Variants in RGSL1 observed in about 807,000 individuals in gnomAD.
The protein encoded by RGSL1 is regulator of G protein signaling like 1.
RGSL1 carries 97 observed loss-of-function variants against 124.7 expected under a neutral mutation model. The ratio of observed to expected loss-of-function variants is 0.78; its 90% CI spans 0.66 to 0.92. The LOEUF (loss-of-function observed/expected upper bound fraction) is 0.92, where lower values mean the gene tolerates loss of function less well. RGSL1 is among the 40% of genes least tolerant of loss of function. The probability of loss-of-function intolerance (pLI) is 0.00; values close to 1 mark genes in which losing one functional copy is unlikely to be tolerated. For synonymous variants in RGSL1, 424 were observed against 438.1 expected (o/e 0.97, Z 0.40); for missense variants, 1,233 against 1,288.4 (o/e 0.96, Z 0.66).
chr1:182,466,303 C>T (rs2102015103), intron 4 of RGSL1, among the ~76,000 whole-genome samples: 1 of 152,182 alleles, frequency 6.6e-6, no homozygotes, highest in Admixed American at 6.5e-5. Context: ...ATACTGGAAA[C>T]TCTCACCAGA....
intron 6 of RGSL1, among the ~76,000 whole-genome samples, chr1:182,483,788 C>T (rs1247653385): frequency 6.6e-6 from 1 of 152,142 alleles, no homozygotes; most frequent in African/African-American, 2.4e-5. Flanking sequence ...TGGATGTAGG[C>T]TGCCCACAGA....
At chr1:182,467,730 C>T (rs1408532168) in intron 4 of RGSL1, among the ~76,000 whole-genome samples, 1 of 152,112 alleles carries the variant, frequency 6.6e-6, no homozygotes, top group African/African-American at 2.4e-5. Flanking sequence ...GTCTAAAACA[C>T]CAAAAGCAAT....
intron 6 of RGSL1, among the ~76,000 whole-genome samples, chr1:182,477,606 A>G (rs1222555923): frequency 2.6e-5 from 4 of 152,074 alleles, no homozygotes; most frequent in African/African-American, 9.7e-5. Context: ...TTTATCCCTG[A>G]CCACCTGTGG....
chr1:182,505,252 A>G (rs1412861025), intron 9 of RGSL1, among the ~76,000 whole-genome samples: 2 of 152,236 alleles, frequency 1.3e-5, no homozygotes, highest in Admixed American at 6.5e-5. Flanking sequence ...GGAGCCAGAT[A>G]ACTTTAGGTC....
In RGSL1 at chr1:182,458,345, T is replaced by A. The variant is rs1208613287; in HGVS notation, c.123T>A (p.Thr41=). The A allele has an allele frequency of 1.9e-6, 3 of 1,552,110 alleles. No individual in the cohort carries two copies. The highest frequency in any genetic ancestry group is 2.6e-6 in the Non-Finnish European group (3 of 1,147,098). The change falls in exon 3 of 22, where the codon ACT becomes ACA. Residue 41 remains threonine (T), a synonymous_variant. Transcript: ENST00000294854. ...LPVFGQTPFY[T]VENSQWSLWP... is the part of the protein sequence containing the mutation. ...TTTTTGGTCAGACACCATTTTATAC[T>A]GTTGAAAATTCACAGTGGAGCTTGT...
Position 182,527,853 on chromosome 1 carries a change from T to A in RGSL1, c.2125+81T>A, listed in dbSNP as rs16859136. The A allele has an allele frequency of 2.1e-3, 2,532 of 1,229,610 alleles. 46 individuals carry two copies. The African/African-American group carries it at 0.034, about 17-fold the overall frequency. 76.2% of individuals were successfully genotyped at this position (1,229,610 alleles called of 1,614,324 possible). On this transcript the variant is annotated intron_variant, in intron 11 of 21. Coordinates refer to ENST00000294854, the MANE Select transcript of RGSL1 (RefSeq NM_001137669.2). ...AGCCTGGGAAATAGCCTACCTCATG[T>A]GAGCCCCCAGAGAGAGCAGTACAGA...
intron 9 of RGSL1, 54 bp from the exon 10 acceptor site, chr1:182,521,950 C>T: frequency 8.5e-7 from 1 of 1,170,000 alleles, no homozygotes. Flanking sequence ...GCTAGTTTTT[C>T]CCTTTTCATT....
intron 12 of RGSL1, 110 bp downstream of exon 12, chr1:182,530,471 C>A: frequency 3.6e-6 from 3 of 842,652 alleles, no homozygotes; most frequent in Non-Finnish European, 5.5e-6. Context: ...ATTGCCAGAG[C>A]CTCTCTACAA....
intron 17 of RGSL1, chr1:182,549,135 G>A (rs967063340): frequency 1.1e-4 from 28 of 249,724 alleles, no homozygotes; most frequent in African/African-American, 6.2e-4. Context: ...GAAGGTAAGA[G>A]TGAACCACAG....
At chr1:182,492,720 C>T (rs1224550401) in intron 8 of RGSL1, among the ~76,000 whole-genome samples, 1 of 151,916 alleles carries the variant, frequency 6.6e-6, no homozygotes, top group Non-Finnish European at 1.5e-5. Flanking sequence ...GCTCCGCCTC[C>T]CAGGTTCACA....
rs113626237 is a variant in RGSL1 at position 182,451,038 on chromosome 1, G to T, written c.13+860G>T. 7.8e-3 allele frequency among the ~76,000 whole-genome samples: 1,181 copies of T among 151,664 alleles called. 14 individuals carry two copies. The highest frequency in any genetic ancestry group is 0.025 in the African/African-American group (1,019 of 41,302). On this transcript the variant is annotated intron_variant, in intron 1 of 21. Coordinates refer to ENST00000294854, the MANE Select transcript of RGSL1 (RefSeq NM_001137669.2). ...GGCATGCACTGTAATCCCAGCTACT[G>T]GAGAGGTTGAGACACAAGAATCACT... is the stretch of plus-strand genomic sequence containing the variant.
intron 8 of RGSL1, among the ~76,000 whole-genome samples, chr1:182,489,840 T>C (rs1639825969): frequency 6.6e-6 from 1 of 152,226 alleles, no homozygotes; most frequent in Non-Finnish European, 1.5e-5. Context: ...AGATCATCTA[T>C]GAAAGCTATT....
chr1:182,460,215 A>G, intron 4 of RGSL1, 82 bp downstream of exon 4: 1 of 1,453,544 alleles, frequency 6.9e-7, no homozygotes, highest in East Asian at 2.5e-5. Context: ...CTTCATAATA[A>G]TCTTATGCCT....
intron 10 of RGSL1, 133 bp from the exon 11 acceptor site, chr1:182,527,446 C>A (rs1364757748): frequency 1.5e-6 from 1 of 673,020 alleles, no homozygotes; most frequent in Non-Finnish European, 2.5e-6. Flanking sequence ...TTTAGCCAAT[C>A]CATCCACAAT....
intron 11 of RGSL1, among the ~76,000 whole-genome samples, chr1:182,529,099 G>T (rs1658971965): frequency 6.6e-6 from 1 of 152,200 alleles, no homozygotes; most frequent in Non-Finnish European, 1.5e-5. Flanking sequence ...GTGAGATTTA[G>T]GTGGGGACAC....
intron 9 of RGSL1, among the ~76,000 whole-genome samples, chr1:182,501,302 C>CTTTTT (rs1656351321): frequency 1.8e-5 from 1 of 54,238 alleles, no homozygotes; most frequent in African/African-American, 6.7e-5. Flanking sequence ...TTTCTTTTTT[C>CTTTTT]TTTTCTTTTT....
In RGSL1 at chr1:182,510,533, C is replaced by T. The variant is rs374521234; in HGVS notation, c.1826-11471C>T. Among the ~76,000 whole-genome samples, 8 of 55,466 alleles carry T rather than the reference C, an allele frequency of 1.4e-4. 2 individuals are homozygous for T. The highest frequency in any genetic ancestry group is 6.3e-4 in the African/African-American group (8 of 12,670). 36.4% of individuals were successfully genotyped at this position (55,466 alleles called of 152,430 possible). Reference sequence around the variant, plus strand: ...CTCCACCAAAACCAGTCAGGCGTGGCGGCACGTGCCTGCAATCGCAGGCAC... The same window carrying T: ...CTCCACCAAAACCAGTCAGGCGTGGTGGCACGTGCCTGCAATCGCAGGCAC... On this transcript the variant is annotated intron_variant, in intron 9 of 21. Transcript: ENST00000294854.
At chr1:182,541,300 C>T (rs988567591) in intron 15 of RGSL1, among the ~76,000 whole-genome samples, 4 of 152,116 alleles carry the variant, frequency 2.6e-5, no homozygotes, top group African/African-American at 9.7e-5. Context: ...TTTTAGCTCC[C>T]ACATATGAGT....
chr1:182,555,181 C>G (rs2102341629), intron 20 of RGSL1: 1 of 156,722 alleles, frequency 6.4e-6, no homozygotes, highest in South Asian at 1.9e-4. Context: ...ATTTCGCGGT[C>G]AATGTCCAGG....
Sources: allele counts gnomAD v4.1 joint callset (sites outside exome capture counted in the v4.1 genomes callset), GRCh38; gene constraint gnomAD v4.1.1; transcripts MANE v1.5; gene names NCBI Gene and HGNC (gene_info 2026-07-23, HGNC 2026-07-21).